Variants in GXYLT1 observed in about 807,000 individuals in gnomAD.
GXYLT1 encodes the protein glycosyltransferase 8 domain containing 3.
A neutral mutation model predicts 54.0 loss-of-function variants in GXYLT1; 29 were observed. The observed-to-expected ratio is 0.54, with a 90% confidence interval of 0.40 to 0.73. GXYLT1 has a LOEUF of 0.73. Ranked by LOEUF, GXYLT1 falls within the 30% of genes least tolerant of loss-of-function variation. The pLI is 0.00. For missense variants in GXYLT1, 490 were observed against 553.4 expected, an observed-to-expected ratio of 0.89 and a Z score of 1.15; for synonymous variants, 176 against 204.1, an observed-to-expected ratio of 0.86 and a Z score of 1.17.
chr12:42,119,203 G>C (rs772948788), intron 2 of GXYLT1, 32 bp from the exon 3 acceptor site: 18 of 1,480,968 alleles, frequency 1.2e-5, no homozygotes, highest in Non-Finnish European at 1.4e-5. Flanking sequence ...TTTTTCAACA[G>C]TTTTAGTATA....
In GXYLT1 at chr12:42,087,262, CAG is replaced by C. The variant is rs2065299350; in HGVS notation, c.*522_*523del. The C allele has an allele frequency of 1.3e-5, 2 of 152,296 alleles. No homozygotes were observed. Among genetic ancestry groups the C allele is most frequent in the Non-Finnish European group, 2.9e-5 (2 of 68,140 alleles). 9.4% of individuals were successfully genotyped at this position (152,296 alleles called of 1,614,324 possible). ...TGATTGTCATAAAAATATTTTAAAA[CAG>C]AGATGAAATGTATAAAGGCACACAT... On this transcript the variant is annotated 3_prime_UTR_variant, in exon 8 of 8. Coordinates refer to ENST00000398675, the MANE Select transcript of GXYLT1 (RefSeq NM_173601.2).
intron 7 of GXYLT1, among the ~76,000 whole-genome samples, chr12:42,092,581 A>C (rs566534465): frequency 1.3e-5 from 2 of 152,300 alleles, no homozygotes; most frequent in South Asian, 4.2e-4. Context: ...AATAAGAACA[A>C]GAAGAAAAGA....
intron 3 of GXYLT1, among the ~76,000 whole-genome samples, chr12:42,115,905 CA>C (rs1190406213): frequency 1.6e-5 from 2 of 125,352 alleles, no homozygotes; most frequent in African/African-American, 2.7e-5. Flanking sequence ...ATAACCAAAA[CA>C]GCATGGTACT....
In GXYLT1 at chr12:42,085,985, G is replaced by A. The variant is rs1409681892; in HGVS notation, c.*1801C>T. On this transcript the variant is annotated 3_prime_UTR_variant, in exon 8 of 8. Transcript: ENST00000398675. Reference sequence around the variant, plus strand: ...TTTCTTCATTAAAAATTGTTTTACAGACTCCCTCCTAGACACAGCATGCCA... The same window carrying A: ...TTTCTTCATTAAAAATTGTTTTACAAACTCCCTCCTAGACACAGCATGCCA... The A allele has an allele frequency of 6.6e-6, 1 of 150,910 alleles. No homozygotes were observed. The highest frequency in any genetic ancestry group is 1.9e-4 in the East Asian group (1 of 5,150). The allele number at this position is 150,910 out of a possible 1,614,324, so 9.3% of individuals were successfully genotyped here.
At position 42,083,333 on chromosome 12, in the gene GXYLT1, G is replaced by A. The variant is rs1046417203; in HGVS notation, c.*4453C>T. The stretch of plus-strand genomic sequence containing the variant: ...GGCAAAAAAGGGTTGCTTTGGCAAT[G>A]GATAAAAGAATAACTGTTATAATAC... On this transcript the variant is annotated 3_prime_UTR_variant, in exon 8 of 8. Coordinates refer to ENST00000398675, the MANE Select transcript of GXYLT1 (RefSeq NM_173601.2). The A allele has an allele frequency of 2.2e-5, 3 of 136,014 alleles. No individual in the cohort carries two copies. The highest frequency in any genetic ancestry group is 7.7e-5 in the Admixed American group (1 of 13,036). 8.4% of individuals were successfully genotyped at this position (136,014 alleles called of 1,614,324 possible).
intron 5 of GXYLT1, among the ~76,000 whole-genome samples, chr12:42,103,317 C>A (rs1224958329): frequency 6.6e-6 from 1 of 152,102 alleles, no homozygotes; most frequent in Admixed American, 6.5e-5. Flanking sequence ...TGAACAGCCA[C>A]AAGTAGTAAG....
chr12:42,111,384 A>C (rs2065454706), intron 3 of GXYLT1, among the ~76,000 whole-genome samples: 1 of 152,230 alleles, frequency 6.6e-6, no homozygotes, highest in Non-Finnish European at 1.5e-5. Flanking sequence ...TCCTAGTCAA[A>C]GAAAGGGGTG....
chr12:42,131,373 C>G (rs898841470), intron 1 of GXYLT1, among the ~76,000 whole-genome samples: 21 of 152,184 alleles, frequency 1.4e-4, no homozygotes, highest in African/African-American at 4.8e-4. Context: ...CTGATCACAT[C>G]TCTCACAAAT....
chr12:42,111,048 T>C (rs2065451012), intron 3 of GXYLT1, among the ~76,000 whole-genome samples: 1 of 152,244 alleles, frequency 6.6e-6, no homozygotes, highest in South Asian at 2.1e-4. Flanking sequence ...TACTTTTCTA[T>C]TATATTTTCA....
intron 3 of GXYLT1, among the ~76,000 whole-genome samples, chr12:42,118,421 C>A (rs2065509694): frequency 6.6e-6 from 1 of 152,188 alleles, no homozygotes; most frequent in Non-Finnish European, 1.5e-5. Context: ...TGACAAAGAA[C>A]TTACTTTTAA....
At chr12:42,099,816 A>C (rs187862606) in intron 5 of GXYLT1, among the ~76,000 whole-genome samples, 2 of 152,194 alleles carry the variant, frequency 1.3e-5, no homozygotes, top group African/African-American at 4.8e-5. Context: ...GTGCCACTGC[A>C]CTCCGGCATG....
chr12:42,109,129 T>C (rs1310118266), intron 4 of GXYLT1, among the ~76,000 whole-genome samples: 1 of 152,244 alleles, frequency 6.6e-6, no homozygotes, highest in Admixed American at 6.5e-5. Flanking sequence ...TTACAATAGA[T>C]AAATTGGCTT....
rs2065296954 is a variant in GXYLT1, at chr12:42,086,887, T to G, written c.*899A>C. On this transcript the variant is annotated 3_prime_UTR_variant, in exon 8 of 8. Coordinates refer to ENST00000398675, the MANE Select transcript of GXYLT1 (RefSeq NM_173601.2). ...TTACTACTCACAGGAAGTATATAGC[T>G]TATGCATTTTGGTCCATCACACTTT... 1 of 152,146 alleles carries G rather than the reference T, an allele frequency of 6.6e-6. No individual in the cohort carries two copies. The highest frequency in any genetic ancestry group is 2.4e-5 in the African/African-American group (1 of 41,444). The allele number at this position is 152,146 out of a possible 1,614,324, so 9.4% of individuals were successfully genotyped here.
Position 42,100,555 on chromosome 12 carries a change from A to G in GXYLT1, c.865-2522T>C, listed in dbSNP as rs541962670. Among the ~76,000 whole-genome samples the G allele has an allele frequency of 5.7e-5, 8 of 141,168 alleles. No individual in the cohort carries two copies. The South Asian group carries it at 1.8e-3, about 31-fold the overall frequency. 92.6% of individuals were successfully genotyped at this position (141,168 alleles called of 152,430 possible). A position where few individuals can be genotyped will look rare whatever the true frequency, so the allele number is the denominator to read the frequency against. ...AAAAAAGAGAAGGCCAGAATTCATG[A>G]AAAAAAAAAAATCCACATACTTAAA... On this transcript the variant is annotated intron_variant, in intron 5 of 7. Transcript: ENST00000398675.
chr12:42,117,689 C>G (rs2065505203), intron 3 of GXYLT1, among the ~76,000 whole-genome samples: 2 of 152,148 alleles, frequency 1.3e-5, no homozygotes, highest in South Asian at 4.1e-4. Context: ...CATCTCAGAA[C>G]AAAAGGTAGT....
At chr12:42,118,631 G>A (rs1455808016) in intron 3 of GXYLT1, among the ~76,000 whole-genome samples, 3 of 152,168 alleles carry the variant, frequency 2.0e-5, no homozygotes, top group East Asian at 1.9e-4. Flanking sequence ...TAATTCCCAC[G>A]TGTCAAGGGA....
intron 7 of GXYLT1, among the ~76,000 whole-genome samples, chr12:42,093,106 A>T (rs2065337754): frequency 6.6e-6 from 1 of 152,112 alleles, no homozygotes; most frequent in Admixed American, 6.6e-5. Context: ...TAAAAATATC[A>T]ATTTTTCTGA....
At position 42,144,772 on chromosome 12, in the gene GXYLT1, T is replaced by G; in HGVS notation, c.-126A>C. On this transcript the variant is annotated 5_prime_UTR_variant, in exon 1 of 8. Transcript: ENST00000398675. ...TCACCCGCAGCCGCCGCCGCCGCCT[T>G]GCGCCCGCTCCCTTCCTTCCCTCCC... The G allele has an allele frequency of 1.6e-6, 1 of 619,628 alleles. No individual in the cohort carries two copies. The highest frequency in any genetic ancestry group is 2.4e-6 in the Non-Finnish European group (1 of 422,446). 38.4% of individuals were successfully genotyped at this position (619,628 alleles called of 1,614,324 possible). A position where few individuals can be genotyped will look rare whatever the true frequency, so the allele number is the denominator to read the frequency against.
intron 5 of GXYLT1, among the ~76,000 whole-genome samples, chr12:42,098,784 T>TATATATATATATAAAA (rs1017764424): frequency 4.5e-5 from 6 of 134,420 alleles, no homozygotes; most frequent in Non-Finnish European, 6.4e-5. Flanking sequence ...TATATATATA[T>TATATATATATATAAAA]AATACATGTG....
Sources: gnomAD v4.1 joint callset for allele counts (sites outside exome capture counted in the v4.1 genomes callset) on GRCh38, gnomAD v4.1.1 for gene constraint, MANE v1.5 for transcripts, NCBI Gene and HGNC (gene_info 2026-07-23, HGNC 2026-07-21) for gene names.